CNTNAP4: variants seen among roughly 807,000 people sequenced by gnomAD.
The protein encoded by CNTNAP4 is contactin-associated protein-like 4.
Under a neutral mutation model 148.4 loss-of-function variants are expected in CNTNAP4, and 98 were observed. The observed-to-expected ratio is 0.66, with a 90% confidence interval of 0.56 to 0.78. The LOEUF (loss-of-function observed/expected upper bound fraction) is 0.78. Among genes scored for constraint, CNTNAP4 ranks in the 30% least tolerant of loss-of-function variants. The pLI is 0.00. For missense variants in CNTNAP4, 1,935 were observed against 1,565.6 expected (o/e 1.24, Z -3.98); for synonymous variants, 730 against 565.1 (o/e 1.29, Z -4.14).
At chr16:76,331,811 C>T (rs1025365560) in intron 2 of CNTNAP4, among the ~76,000 whole-genome samples, 1 of 152,140 alleles carries the variant, frequency 6.6e-6, no homozygotes, top group African/African-American at 2.4e-5. Flanking sequence ...AGTTTCCATA[C>T]AGTGTTCTTT....
At chr16:76,392,763 G>T (rs2078073102) in intron 3 of CNTNAP4, among the ~76,000 whole-genome samples, 1 of 152,162 alleles carries the variant, frequency 6.6e-6, no homozygotes, top group African/African-American at 2.4e-5. Context: ...ATGGAATTTG[G>T]ATTTTTAAAG....
chr16:76,391,090 G>A (rs979778600), intron 3 of CNTNAP4, among the ~76,000 whole-genome samples: 6 of 152,068 alleles, frequency 3.9e-5, no homozygotes, highest in Admixed American at 2.0e-4. Context: ...CTATCAAATA[G>A]TAGGTCGTAT....
At chr16:76,373,358 G>T (rs2015067992) in intron 3 of CNTNAP4, among the ~76,000 whole-genome samples, 1 of 151,982 alleles carries the variant, frequency 6.6e-6, no homozygotes, top group South Asian at 2.1e-4. Flanking sequence ...AACATTCTTA[G>T]TCATAAAAAC....
At chr16:76,482,989 A>G (rs551684744) in intron 12 of CNTNAP4, among the ~76,000 whole-genome samples, 2 of 152,164 alleles carry the variant, frequency 1.3e-5, no homozygotes, top group South Asian at 4.1e-4. Context: ...AAAAAAAGAG[A>G]GAAGACTTTA....
At chr16:76,534,352 G>GAACATGTTTTAGGAAAAGAGAATT (rs1158233678) in intron 17 of CNTNAP4, among the ~76,000 whole-genome samples, 2 of 152,148 alleles carry the variant, frequency 1.3e-5, no homozygotes, top group East Asian at 3.9e-4. Context: ...GAAACGAAGT[G>GAACATGTTTTAGGAAAAGAGAATT]AACATGTTTT....
At chr16:76,419,125 A>G (rs183443430) in intron 3 of CNTNAP4, among the ~76,000 whole-genome samples, 71 of 152,060 alleles carry the variant, frequency 4.7e-4, no homozygotes, top group African/African-American at 1.6e-3. Context: ...TGTGACCTTC[A>G]CAAGCATATC....
intron 2 of CNTNAP4, among the ~76,000 whole-genome samples, chr16:76,327,787 C>G (rs948128032): frequency 6.6e-6 from 1 of 152,220 alleles, no homozygotes; most frequent in Non-Finnish European, 1.5e-5. Flanking sequence ...CAGAAACTTT[C>G]TGCTTTTGTT....
At chr16:76,548,460 C>G (rs201537994) in intron 21 of CNTNAP4, among the ~76,000 whole-genome samples, 3 of 151,838 alleles carry the variant, frequency 2.0e-5, no homozygotes, top group East Asian at 1.9e-4. Flanking sequence ...TAAAGCACTC[C>G]TTGTAATTGT....
intron 7 of CNTNAP4, 86 bp from the exon 8 acceptor site, chr16:76,452,422 G>A (rs779072224): frequency 1.0e-5 from 14 of 1,355,144 alleles, no homozygotes; most frequent in Non-Finnish European, 1.3e-5. Context: ...CGCGGATAAT[G>A]TGAGATTGAA....
At chr16:76,383,774 G>T (rs1303854173) in intron 3 of CNTNAP4, among the ~76,000 whole-genome samples, 1 of 152,056 alleles carries the variant, frequency 6.6e-6, no homozygotes, top group East Asian at 1.9e-4. Flanking sequence ...ATGATGTCTG[G>T]GACTGAATTT....
intron 1 of CNTNAP4, among the ~76,000 whole-genome samples, chr16:76,298,653 A>T (rs1037664979): frequency 6.6e-6 from 1 of 152,080 alleles, no homozygotes; most frequent in Non-Finnish European, 1.5e-5. Context: ...ACACCCTTAA[A>T]GTAATGGGGT....
chr16:76,499,890 T>C (rs2082559944), intron 15 of CNTNAP4, among the ~76,000 whole-genome samples: 1 of 152,056 alleles, frequency 6.6e-6, no homozygotes, highest in Non-Finnish European at 1.5e-5. Flanking sequence ...GGTTATAGAT[T>C]AATAGCATCC....
chr16:76,495,008 G>A lies in CNTNAP4; in HGVS notation c.2179G>A (p.Glu727Lys). Reference protein sequence around the residue: ...PDLQKCTCGLEGNCIDSQYYC... With the variant: ...PDLQKCTCGLKGNCIDSQYYC... The stretch of plus-strand genomic sequence containing the variant: ...TCTTCAAAAATGTACTTGTGGATTA[G>A]AGGGAAACTGCATTGATTCTCAGTA... Residue 727 changes from glutamate to lysine, a missense_variant, in exon 14 of 24, where the codon GAG becomes AAG. By Grantham distance (56) the Glu-to-Lys change is moderately conservative. Coordinates refer to ENST00000611870, the MANE Select transcript of CNTNAP4 (RefSeq NM_033401.5). 8 of 1,613,540 alleles carry A rather than the reference G, an allele frequency of 5.0e-6. No homozygotes were observed. Among genetic ancestry groups the A allele is most frequent in the Non-Finnish European group, 6.8e-6 (8 of 1,179,576 alleles).
chr16:76,430,705 G>A lies in CNTNAP4; in HGVS notation c.538+3106G>A, dbSNP rs1393911885. 4.6e-5 allele frequency among the ~76,000 whole-genome samples: 7 copies of A among 152,244 alleles called. No individual in the cohort carries two copies. In the East Asian group the frequency reaches 1.2e-3, roughly 25 times the overall value. ...GCCTCCTCATCTGCACCAAATTAAC[G>A]TGACTCAGGTGCGCTTCGCCTGAGC... On this transcript the variant is annotated intron_variant, in intron 4 of 23. Coordinates refer to ENST00000611870, the MANE Select transcript of CNTNAP4 (RefSeq NM_033401.5).
chr16:76,406,080 C>T (rs1031668540), intron 3 of CNTNAP4, among the ~76,000 whole-genome samples: 3 of 151,900 alleles, frequency 2.0e-5, no homozygotes, highest in Admixed American at 6.6e-5. Context: ...AAAAATTAGG[C>T]GGGTGTGGTG....
chr16:76,438,259 A>T (rs570549627), intron 4 of CNTNAP4, among the ~76,000 whole-genome samples: 1 of 152,220 alleles, frequency 6.6e-6, no homozygotes, highest in Non-Finnish European at 1.5e-5. Flanking sequence ...CTTGTAACTC[A>T]CATGCTCAAG....
chr16:76,346,986 G>C (rs1361678710), intron 2 of CNTNAP4, among the ~76,000 whole-genome samples: 1 of 152,170 alleles, frequency 6.6e-6, no homozygotes, highest in South Asian at 2.1e-4. Context: ...AGACAATTTA[G>C]TGAGGTATTA....
chr16:76,394,302 A>G (rs1004538361), intron 3 of CNTNAP4, among the ~76,000 whole-genome samples: 3 of 152,272 alleles, frequency 2.0e-5, no homozygotes, highest in South Asian at 2.1e-4. Context: ...TCTGTCCTTT[A>G]CTTTGATTGA....
At position 76,277,629 on chromosome 16, in the gene CNTNAP4, C is replaced by T. The variant is rs948948350; in HGVS notation, c.-34C>T. 7.3e-6 allele frequency: 11 copies of T among 1,508,416 alleles called. No individual in the cohort carries two copies. In the African/African-American group the frequency reaches 1.5e-4, roughly 21 times the overall value. The allele number at this position is 1,508,416 out of a possible 1,614,324, so 93.4% of individuals were successfully genotyped here. ...GGACTGGAGCGCTCTGAGAGCCTCT[C>T]AAGATCTTTTGGGGGAGCCCAATAA... is the stretch of plus-strand genomic sequence containing the variant. On this transcript the variant is annotated 5_prime_UTR_variant, in exon 1 of 24. Transcript: ENST00000611870.
Sources: gnomAD v4.1 joint callset for allele counts (sites outside exome capture counted in the v4.1 genomes callset) on GRCh38, gnomAD v4.1.1 for gene constraint, MANE v1.5 for transcripts, NCBI Gene and HGNC (gene_info 2026-07-23, HGNC 2026-07-21) for gene names.